Variants in ZFHX3 observed in about 807,000 individuals in gnomAD.
ZFHX3 encodes zinc finger homeobox 3, also known as zinc finger homeobox protein 3.
In ZFHX3, 42 loss-of-function variants were observed where a neutral mutation model predicts 279.1. The observed-to-expected ratio is 0.15, with a 90% CI of 0.12 to 0.19. The LOEUF is 0.19. ZFHX3 is among the 10% of genes least tolerant of loss of function. The probability of loss-of-function intolerance (pLI) is 1.00; values close to 1 mark genes in which losing one functional copy is unlikely to be tolerated. For synonymous variants in ZFHX3, 2,293 were observed against 1,957.8 expected (o/e 1.17, Z -4.52); for missense variants, 4,981 against 4,754.0 (o/e 1.05, Z -1.40).
chr16:73,217,275 A>G (rs183502270), intron 5 of ZFHX3, among the ~76,000 whole-genome samples: 40 of 152,314 alleles, frequency 2.6e-4, no homozygotes, highest in African/African-American at 8.4e-4. Context: ...ACTCATTACC[A>G]GCTGCTGCAG....
At chr16:73,159,526 A>C (rs1467985128) in intron 5 of ZFHX3, among the ~76,000 whole-genome samples, 19 of 152,058 alleles carry the variant, frequency 1.2e-4, no homozygotes, top group Admixed American at 8.5e-4. Flanking sequence ...AGAAATAAGG[A>C]ACCACTTCAG....
At chr16:73,584,898 A>G (rs9927925) in intron 2 of ZFHX3, among the ~76,000 whole-genome samples, 5,272 of 152,304 alleles carry the variant, frequency 0.035, 307 homozygotes, top group African/African-American at 0.12. Flanking sequence ...ACTAGAAAAG[A>G]AACCCATTAA....
chr16:73,731,103 G>C (rs1371866003), intron 1 of ZFHX3, among the ~76,000 whole-genome samples: 1 of 152,154 alleles, frequency 6.6e-6, no homozygotes, highest in Non-Finnish European at 1.5e-5. Context: ...TTCATATATT[G>C]TTTATAAGGT....
chr16:72,926,831 T>C (rs1443778754), intron 3 of ZFHX3, among the ~76,000 whole-genome samples: 1 of 152,122 alleles, frequency 6.6e-6, no homozygotes, highest in Non-Finnish European at 1.5e-5. Flanking sequence ...CTGGCCAACC[T>C]CCTCTGGGCA....
intron 5 of ZFHX3, among the ~76,000 whole-genome samples, chr16:73,215,119 C>T (rs2012158794): frequency 6.6e-6 from 1 of 152,058 alleles, no homozygotes; most frequent in Non-Finnish European, 1.5e-5. Flanking sequence ...TTATACCAGT[C>T]CCATAAAAGC....
chr16:73,170,222 A>ATTTTTTTTT (rs1323820575), intron 5 of ZFHX3, among the ~76,000 whole-genome samples: 1 of 36,846 alleles, frequency 2.7e-5, no homozygotes, highest in African/African-American at 1.1e-4. Flanking sequence ...TCCTTTCACT[A>ATTTTTTTTT]GTTTTTTTTT....
At chr16:73,606,878 CA>C (rs2052190710) in intron 2 of ZFHX3, among the ~76,000 whole-genome samples, 1 of 152,040 alleles carries the variant, frequency 6.6e-6, no homozygotes, top group Admixed American at 6.5e-5. Context: ...TAACGGCTTC[CA>C]ATTCTATCCA....
chr16:73,156,860 C>G (rs1057164190), intron 5 of ZFHX3, among the ~76,000 whole-genome samples: 4 of 152,068 alleles, frequency 2.6e-5, no homozygotes, highest in Non-Finnish European at 5.9e-5. Context: ...ATTACAGGCA[C>G]GTGCCGCCAC....
At chr16:73,400,200 G>A (rs994073164) in intron 3 of ZFHX3, 2 of 152,162 alleles carry the variant, frequency 1.3e-5, no homozygotes, top group African/African-American at 2.4e-5. Context: ...GCTAACCAGA[G>A]AAGATATAAG....
intron 3 of ZFHX3, among the ~76,000 whole-genome samples, chr16:73,374,816 G>A (rs2016694291): frequency 6.6e-6 from 1 of 152,156 alleles, no homozygotes; most frequent in Non-Finnish European, 1.5e-5. Flanking sequence ...GCATTCTTAT[G>A]GTGGTGTTTA....
chr16:73,252,627 A>G (rs2013543661), intron 5 of ZFHX3, among the ~76,000 whole-genome samples: 1 of 152,150 alleles, frequency 6.6e-6, no homozygotes, highest in African/African-American at 2.4e-5. Flanking sequence ...TCAAAAGCTC[A>G]GGGTGGGAGG....
intron 1 of ZFHX3, among the ~76,000 whole-genome samples, chr16:72,961,723 C>T (rs959860913): frequency 6.6e-6 from 1 of 152,104 alleles, no homozygotes; most frequent in Non-Finnish European, 1.5e-5. Context: ...CCAGAAGTCT[C>T]AGGGAGAAAT....
At chr16:73,075,084 A>T (rs1965871734) in intron 8 of ZFHX3, among the ~76,000 whole-genome samples, 1 of 152,200 alleles carries the variant, frequency 6.6e-6, no homozygotes, top group Non-Finnish European at 1.5e-5. Flanking sequence ...CTGGGATTAC[A>T]CGTGTGAGCT....
At chr16:73,228,079 G>C (rs1276944359) in intron 5 of ZFHX3, among the ~76,000 whole-genome samples, 1 of 152,100 alleles carries the variant, frequency 6.6e-6, no homozygotes, top group Non-Finnish European at 1.5e-5. Context: ...TTAGCACGTA[G>C]TGCCATCAGG....
intron 4 of ZFHX3, among the ~76,000 whole-genome samples, chr16:73,274,984 A>T (rs2014252886): frequency 6.6e-6 from 1 of 151,672 alleles, no homozygotes; most frequent in South Asian, 2.1e-4. Context: ...TTTGTCTGTA[A>T]TTTTTTTTTC....
At chr16:72,863,340 TA>T (rs66692129) in intron 4 of ZFHX3, among the ~76,000 whole-genome samples, 27,003 of 64,416 alleles carry the variant, frequency 0.42, 4,380 homozygotes, top group Non-Finnish European at 0.5. Flanking sequence ...TCATCTCTAC[TA>T]AAAAAAAAAA....
At chr16:73,877,301 C>T (rs1205015636) in intron 1 of ZFHX3, among the ~76,000 whole-genome samples, 2 of 151,994 alleles carry the variant, frequency 1.3e-5, no homozygotes, top group Non-Finnish European at 2.9e-5. Context: ...ACAATCAGAC[C>T]AGACACCCAT....
intron 2 of ZFHX3, among the ~76,000 whole-genome samples, chr16:73,465,669 G>T (rs1040528246): frequency 6.6e-6 from 1 of 152,148 alleles, no homozygotes; most frequent in Non-Finnish European, 1.5e-5. Context: ...ACACATCATC[G>T]AATGCTCAGC....
At chr16:73,252,516 G>A (rs1298718062) in intron 5 of ZFHX3, among the ~76,000 whole-genome samples, 2 of 152,128 alleles carry the variant, frequency 1.3e-5, no homozygotes, top group African/African-American at 4.8e-5. Context: ...GGAATATGGG[G>A]GCGGAAGTGC....
Sources: gnomAD v4.1 joint callset for allele counts (sites outside exome capture counted in the v4.1 genomes callset) on GRCh38, gnomAD v4.1.1 for gene constraint, MANE v1.5 for transcripts, NCBI Gene and HGNC (gene_info 2026-07-23, HGNC 2026-07-21) for gene names.